USP15: variants seen among roughly 807,000 people sequenced by gnomAD.
USP15 encodes the protein ubiquitin carboxyl-terminal hydrolase 15.
Under a neutral mutation model 127.1 loss-of-function variants are expected in USP15, and 18 were observed. The ratio of observed to expected loss-of-function variants is 0.14; its 90% CI spans 0.10 to 0.21. USP15 has a LOEUF of 0.21. USP15 is among the 10% of genes least tolerant of loss of function. USP15 has a pLI of 1.00. For missense variants in USP15, 805 were observed against 1,159.9 expected (o/e 0.69, Z 4.44); for synonymous variants, 364 against 393.7 (o/e 0.92, Z 0.89).
At chr12:62,377,722 A>G (rs369703761) in intron 8 of USP15, among the ~76,000 whole-genome samples, 4 of 151,812 alleles carry the variant, frequency 2.6e-5, no homozygotes, top group East Asian at 3.9e-4. Flanking sequence ...GTGAGATTCC[A>G]TCTCCAAAAA....
intron 8 of USP15, among the ~76,000 whole-genome samples, chr12:62,363,687 C>G (rs2066385922): frequency 6.6e-6 from 1 of 152,054 alleles, no homozygotes; most frequent in East Asian, 1.9e-4. Flanking sequence ...TCCCCGCGTC[C>G]CCACCCCGTG....
intron 21 of USP15, among the ~76,000 whole-genome samples, chr12:62,401,594 C>CAAGAGAATGT (rs2067690414): frequency 6.6e-6 from 1 of 151,816 alleles, no homozygotes; most frequent in Non-Finnish European, 1.5e-5. Flanking sequence ...ACATTGAGTA[C>CAAGAGAATGT]TTAAAGCCAG....
At chr12:62,286,137 A>G (rs1565818626) in intron 1 of USP15, among the ~76,000 whole-genome samples, 1 of 152,188 alleles carries the variant, frequency 6.6e-6, no homozygotes, top group African/African-American at 2.4e-5. Context: ...ATATTTTCAA[A>G]CTATGCATAC....
intron 6 of USP15, chr12:62,335,875 A>G: frequency 1.0e-6 from 1 of 985,376 alleles, no homozygotes; most frequent in Non-Finnish European, 1.2e-6. Flanking sequence ...AATTCTCTGA[A>G]TTTGAATGCA....
intron 20 of USP15, among the ~76,000 whole-genome samples, chr12:62,397,400 G>A (rs765350975): frequency 1.6e-4 from 24 of 151,806 alleles, no homozygotes; most frequent in South Asian, 4.2e-4. Flanking sequence ...CATGCATATT[G>A]GTCTATTCAG....
intron 3 of USP15, among the ~76,000 whole-genome samples, chr12:62,307,008 T>TA (rs994318160): frequency 6.6e-6 from 1 of 152,176 alleles, no homozygotes; most frequent in African/African-American, 2.4e-5. Flanking sequence ...TCAAGAAGCT[T>TA]ACGGGCAACC....
chr12:62,384,797 G>A (rs1332483899), intron 11 of USP15, among the ~76,000 whole-genome samples: 1 of 151,746 alleles, frequency 6.6e-6, no homozygotes, highest in African/African-American at 2.4e-5. Context: ...GTTCAGTGAT[G>A]TTCTCTAATT....
At chr12:62,269,132 A>T (rs775440685) in intron 1 of USP15, among the ~76,000 whole-genome samples, 1 of 152,100 alleles carries the variant, frequency 6.6e-6, no homozygotes, top group South Asian at 2.1e-4. Context: ...AATGACAAGG[A>T]TAACTTCTGA....
intron 1 of USP15, among the ~76,000 whole-genome samples, chr12:62,287,653 A>G (rs2063823834): frequency 6.6e-6 from 1 of 152,148 alleles, no homozygotes; most frequent in Non-Finnish European, 1.5e-5. Context: ...AGGCCAGTGA[A>G]CAGAGAGTTT....
At chr12:62,299,848 T>TA (rs1048851112) in intron 2 of USP15, among the ~76,000 whole-genome samples, 4 of 152,206 alleles carry the variant, frequency 2.6e-5, no homozygotes, top group Non-Finnish European at 4.4e-5. Flanking sequence ...TCCTTTTTAT[T>TA]ATAGCCGTCC....
rs778002353 is a variant in USP15 at position 62,357,115 on chromosome 12, CA to C, written c.915+1642del. On this transcript the variant is annotated intron_variant, in intron 8 of 21. Transcript: ENST00000280377. ...CATAAATATTAATAAAATATTTCAA[CA>C]ACATAGGGATTCAAAATTTGAATCT... 2.6e-5 allele frequency among the ~76,000 whole-genome samples: 4 copies of C among 151,860 alleles called. No individual in the cohort carries two copies. In the East Asian group the frequency reaches 7.7e-4, roughly 29 times the overall value.
rs2068069356 is a variant in USP15, at chr12:62,412,836, ACT to A, written c.*8464_*8465del. 6.6e-6 allele frequency: 1 copy of A among 152,192 alleles called. No homozygotes were observed. The highest frequency in any genetic ancestry group is 2.1e-4 in the South Asian group (1 of 4,832). The allele number at this position is 152,192 out of a possible 1,614,324, so 9.4% of individuals were successfully genotyped here. On this transcript the variant is annotated 3_prime_UTR_variant, in exon 22 of 22. Transcript: ENST00000280377. ...GAAAGTTGTAATTAACTTCTTTCAA[ACT>A]CTTGTTAATGTTGATATTTTGACTC...
At chr12:62,280,655 T>C (rs1285101183) in intron 1 of USP15, among the ~76,000 whole-genome samples, 2 of 152,128 alleles carry the variant, frequency 1.3e-5, no homozygotes, top group Admixed American at 1.3e-4. Context: ...GGGTTAGGAT[T>C]TTAACATTAA....
chr12:62,340,717 T>TA (rs1421939408), intron 6 of USP15, among the ~76,000 whole-genome samples: 1 of 152,164 alleles, frequency 6.6e-6, no homozygotes, highest in Admixed American at 6.6e-5. Flanking sequence ...CCTGAGTTCT[T>TA]ACTTGATTGC....
intron 1 of USP15, among the ~76,000 whole-genome samples, chr12:62,287,031 G>A (rs1010434329): frequency 4.6e-5 from 7 of 151,634 alleles, no homozygotes; most frequent in Non-Finnish European, 1.0e-4. Context: ...CATGGATGCA[G>A]CTGGAGGCCA....
chr12:62,286,461 C>T (rs2063788426), intron 1 of USP15, among the ~76,000 whole-genome samples: 2 of 152,152 alleles, frequency 1.3e-5, no homozygotes, highest in South Asian at 4.1e-4. Flanking sequence ...GGAAAGAAAG[C>T]AGTTTGGAGA....
chr12:62,329,325 C>T (rs927557136), intron 6 of USP15, among the ~76,000 whole-genome samples: 3 of 152,086 alleles, frequency 2.0e-5, no homozygotes, highest in Non-Finnish European at 4.4e-5. Context: ...GAGCCAAGAT[C>T]GTGCCACTGC....
At chr12:62,338,154 C>G (rs2065533111) in intron 6 of USP15, among the ~76,000 whole-genome samples, 1 of 152,180 alleles carries the variant, frequency 6.6e-6, no homozygotes, top group Non-Finnish European at 1.5e-5. Context: ...TGTTTCCTGA[C>G]TTTTTAATAA....
At chr12:62,338,675 G>C (rs532768418) in intron 6 of USP15, among the ~76,000 whole-genome samples, 2 of 152,182 alleles carry the variant, frequency 1.3e-5, no homozygotes, top group Non-Finnish European at 2.9e-5. Context: ...TCCAGTTTCT[G>C]TTTTCTGCAT....
Sources: allele counts gnomAD v4.1 joint callset (sites outside exome capture counted in the v4.1 genomes callset), GRCh38; gene constraint gnomAD v4.1.1; transcripts MANE v1.5; gene names NCBI Gene and HGNC (gene_info 2026-07-23, HGNC 2026-07-21).